Variants in CERS6 observed in about 807,000 individuals in gnomAD.
CERS6 encodes ceramide synthase 6.
A neutral mutation model predicts 56.8 loss-of-function variants in CERS6; 26 were observed. The observed-to-expected ratio is 0.46, with a 90% confidence interval of 0.34 to 0.63. CERS6 has a LOEUF of 0.63. CERS6 is among the 30% of genes least tolerant of loss of function. The probability of loss-of-function intolerance (pLI) is 0.01; values close to 1 mark genes in which losing one functional copy is unlikely to be tolerated. For missense variants in CERS6, 415 were observed against 467.5 expected (o/e 0.89, Z 1.04); for synonymous variants, 164 against 173.3 (o/e 0.95, Z 0.42).
rs146966811 is a variant in CERS6, at chr2:168,617,833, C to G, written c.408-13152C>G. Among the ~76,000 whole-genome samples, 244 of 152,268 alleles carry G rather than the reference C, an allele frequency of 1.6e-3. 1 individual carries two copies. The highest frequency in any genetic ancestry group is 5.5e-3 in the African/African-American group (228 of 41,548). On this transcript the variant is annotated intron_variant, in intron 3 of 9. Coordinates refer to ENST00000305747, the MANE Select transcript of CERS6 (RefSeq NM_203463.3). ...GTACGATTGGTACCAATCCTATTGA[C>G]TCTATTCCACAAGGTAGAGAAAGAA...
At chr2:168,536,959 G>A (rs767505987) in intron 1 of CERS6, among the ~76,000 whole-genome samples, 9 of 152,146 alleles carry the variant, frequency 5.9e-5, no homozygotes, top group Non-Finnish European at 1.0e-4. Flanking sequence ...CATTTCTTGA[G>A]TTCTTGGAGA....
At position 168,711,748 on chromosome 2, in the gene CERS6, A is replaced by AAAT. The variant is rs1367843173; in HGVS notation, c.610-3252_610-3251insATA. On this transcript the variant is annotated intron_variant, in intron 6 of 9. Coordinates refer to ENST00000305747, the MANE Select transcript of CERS6 (RefSeq NM_203463.3). ...GACTGTCTCAAAAAAAAAAAAAAAA[A>AAAT]AGTATAGTTAGGAAATTACCCCTAC... Among the ~76,000 whole-genome samples, 39 of 151,680 alleles carry AAAT rather than the reference A, an allele frequency of 2.6e-4. 1 individual carries two copies. The South Asian group carries it at 5.8e-3, about 23-fold the overall frequency.
chr2:168,667,335 T>C (rs1292968382), intron 4 of CERS6, among the ~76,000 whole-genome samples: 2 of 152,196 alleles, frequency 1.3e-5, no homozygotes, highest in Admixed American at 6.5e-5. Flanking sequence ...AAGTGGCCAT[T>C]GTGTTCTGGT....
chr2:168,579,486 G>T (rs1683356956), intron 3 of CERS6, among the ~76,000 whole-genome samples: 1 of 152,136 alleles, frequency 6.6e-6, no homozygotes, highest in Admixed American at 6.5e-5. Context: ...TTCCTTGCGT[G>T]CCATGCTCTA....
At chr2:168,726,754 C>G (rs1428581031) in intron 8 of CERS6, among the ~76,000 whole-genome samples, 3 of 152,128 alleles carry the variant, frequency 2.0e-5, no homozygotes, top group South Asian at 4.1e-4. Context: ...TCAAAATGTG[C>G]TGTTATTGTT....
chr2:168,694,389 TCTGGTATCTC>T (rs952900243), intron 5 of CERS6, among the ~76,000 whole-genome samples: 1 of 152,192 alleles, frequency 6.6e-6, no homozygotes, highest in Non-Finnish European at 1.5e-5. Flanking sequence ...GGGTGCCTAG[TCTGGTATCTC>T]CTGGCAGCCT....
In CERS6 at chr2:168,668,798, A is replaced by G. The variant is rs376061696; in HGVS notation, c.466-22236A>G. ...AATTTAGAAGTATTAAACTATGCTA[A>G]TTATTATTTAGTATACAGAGCTCAG... On this transcript the variant is annotated intron_variant, in intron 4 of 9. Coordinates refer to ENST00000305747, the MANE Select transcript of CERS6 (RefSeq NM_203463.3). Among the ~76,000 whole-genome samples the G allele has an allele frequency of 3.3e-5, 5 of 152,142 alleles. No individual in the cohort carries two copies. The South Asian group carries it at 8.3e-4, about 25-fold the overall frequency.
At chr2:168,615,057 C>T (rs960459134) in intron 3 of CERS6, among the ~76,000 whole-genome samples, 3 of 152,070 alleles carry the variant, frequency 2.0e-5, no homozygotes, top group East Asian at 3.9e-4. Context: ...GTGTAGACAA[C>T]CCCCAGCACC....
chr2:168,532,734 C>CT (rs1202970652), intron 1 of CERS6, among the ~76,000 whole-genome samples: 2 of 152,060 alleles, frequency 1.3e-5, no homozygotes, highest in Non-Finnish European at 2.9e-5. Flanking sequence ...AATTTGAACT[C>CT]TCATTTTAAG....
chr2:168,725,228 C>G (rs1404822004), intron 8 of CERS6, among the ~76,000 whole-genome samples: 1 of 152,274 alleles, frequency 6.6e-6, no homozygotes. Flanking sequence ...ACCCGGAACT[C>G]CAGCTGGCCT....
chr2:168,707,401 C>G (rs984138732), intron 6 of CERS6, among the ~76,000 whole-genome samples: 3 of 152,146 alleles, frequency 2.0e-5, no homozygotes, highest in African/African-American at 7.2e-5. Flanking sequence ...TCCTTCCTGC[C>G]AGGACTCCTC....
chr2:168,574,870 T>C (rs1402538499), intron 3 of CERS6, among the ~76,000 whole-genome samples: 4 of 152,234 alleles, frequency 2.6e-5, no homozygotes, highest in Non-Finnish European at 5.9e-5. Context: ...AGATTTGATA[T>C]GATGATTTTT....
chr2:168,479,896 C>T (rs923932514), intron 1 of CERS6, among the ~76,000 whole-genome samples: 1 of 152,200 alleles, frequency 6.6e-6, no homozygotes, highest in Non-Finnish European at 1.5e-5. Flanking sequence ...GCATGAGCCA[C>T]GAATCCCGGC....
rs1327649170 is a variant in CERS6, at chr2:168,630,968, T to C, written c.408-17T>C. Reference sequence around the variant, plus strand: ...ATATAAACTGAATGTCACAGATTTTTTTTTAACCTTCTACAGGTGGAGATT... The same window carrying C: ...ATATAAACTGAATGTCACAGATTTTCTTTTAACCTTCTACAGGTGGAGATT... On this transcript the variant is annotated splice_polypyrimidine_tract_variant and intron_variant, in intron 3 of 9. Coordinates refer to ENST00000305747, the MANE Select transcript of CERS6 (RefSeq NM_203463.3). The C allele has an allele frequency of 5.9e-6, 8 of 1,350,548 alleles. 1 individual carries two copies. The African/African-American group carries it at 1.2e-4, about 20-fold the overall frequency. The allele number at this position is 1,350,548 out of a possible 1,614,324, so 83.7% of individuals were successfully genotyped here.
intron 1 of CERS6, among the ~76,000 whole-genome samples, chr2:168,499,291 G>A (rs956597864): frequency 3.9e-5 from 6 of 152,206 alleles, no homozygotes; most frequent in Non-Finnish European, 5.9e-5. Context: ...GCCAAAAGGC[G>A]AGGTTACGAA....
intron 6 of CERS6, among the ~76,000 whole-genome samples, chr2:168,707,496 G>A (rs960439514): frequency 1.3e-5 from 2 of 152,068 alleles, no homozygotes; most frequent in African/African-American, 4.8e-5. Flanking sequence ...TTATCTTAGG[G>A]TGCATAGGCT....
chr2:168,660,172 A>C (rs921278502), intron 4 of CERS6, among the ~76,000 whole-genome samples: 1 of 152,202 alleles, frequency 6.6e-6, no homozygotes, highest in Non-Finnish European at 1.5e-5. Context: ...GCCTGTATGT[A>C]GGGGCTCTGG....
intron 1 of CERS6, among the ~76,000 whole-genome samples, chr2:168,500,050 G>A (rs928852045): frequency 6.6e-6 from 1 of 152,008 alleles, no homozygotes; most frequent in African/African-American, 2.4e-5. Flanking sequence ...ACATAATCTG[G>A]GGGATCACAA....
chr2:168,518,147 C>G (rs1183963712), intron 1 of CERS6, among the ~76,000 whole-genome samples: 1 of 152,226 alleles, frequency 6.6e-6, no homozygotes, highest in African/African-American at 2.4e-5. Flanking sequence ...GGGCCCAAAT[C>G]TGAAAGTAAG....
Sources: allele counts gnomAD v4.1 joint callset (sites outside exome capture counted in the v4.1 genomes callset), GRCh38; gene constraint gnomAD v4.1.1; transcripts MANE v1.5; gene names NCBI Gene and HGNC (gene_info 2026-07-23, HGNC 2026-07-21).